ZFHX3: variants seen among roughly 807,000 people sequenced by gnomAD.
The protein encoded by ZFHX3 is zinc finger homeobox protein 3.
In ZFHX3, 42 loss-of-function variants were observed where a neutral mutation model predicts 279.1. That is an observed-to-expected ratio of 0.15 (90% confidence interval 0.12 to 0.19). The LOEUF (loss-of-function observed/expected upper bound fraction) is 0.19, where lower values mean the gene tolerates loss of function less well. Ranked by LOEUF, ZFHX3 falls within the 10% of genes least tolerant of loss-of-function variation. The pLI, the probability that ZFHX3 is intolerant of heterozygous loss-of-function variation, is 1.00. For synonymous variants in ZFHX3, 2,293 were observed against 1,957.8 expected (o/e 1.17, Z -4.52); for missense variants, 4,981 against 4,754.0 (o/e 1.05, Z -1.40).
At chr16:72,803,319 G>A (rs1263318376) in intron 7 of ZFHX3, among the ~76,000 whole-genome samples, 2 of 152,196 alleles carry the variant, frequency 1.3e-5, no homozygotes, top group Non-Finnish European at 2.9e-5. Flanking sequence ...GCGACAGAGT[G>A]AGACTCTGTC....
intron 2 of ZFHX3, among the ~76,000 whole-genome samples, chr16:73,482,661 T>C (rs1242121505): frequency 6.6e-6 from 1 of 152,172 alleles, no homozygotes; most frequent in South Asian, 2.1e-4. Context: ...TTTGTACAAA[T>C]GGAGAAAATG....
At chr16:73,809,333 A>G (rs1228810297) in intron 1 of ZFHX3, 7 of 152,158 alleles carry the variant, frequency 4.6e-5, no homozygotes, top group Non-Finnish European at 1.0e-4. Flanking sequence ...GGCAATGAAA[A>G]TGCACCTGAC....
intron 3 of ZFHX3, among the ~76,000 whole-genome samples, chr16:73,356,635 T>C (rs936005185): frequency 7.9e-5 from 12 of 152,004 alleles, no homozygotes; most frequent in Admixed American, 1.3e-4. Context: ...TGCTAACAAG[T>C]TTAATTAACA....
intron 4 of ZFHX3, among the ~76,000 whole-genome samples, chr16:73,257,761 T>G (rs1424739110): frequency 6.6e-6 from 1 of 152,200 alleles, no homozygotes; most frequent in African/African-American, 2.4e-5. Flanking sequence ...TAGTTATTAA[T>G]CCTATAATAA....
intron 1 of ZFHX3, among the ~76,000 whole-genome samples, chr16:73,722,881 T>C (rs1354066320): frequency 6.6e-6 from 1 of 152,178 alleles, no homozygotes; most frequent in African/African-American, 2.4e-5. Flanking sequence ...TCATTTCCCA[T>C]CTTTTTCCTA....
chr16:73,778,239 A>T (rs1315367211), intron 1 of ZFHX3, among the ~76,000 whole-genome samples: 2 of 73,656 alleles, frequency 2.7e-5, no homozygotes, highest in Non-Finnish European at 6.7e-5. Context: ...GGAGTGTTAA[A>T]AAAAAAAAAA....
At chr16:73,137,058 C>A (rs1383757233) in intron 6 of ZFHX3, among the ~76,000 whole-genome samples, 1 of 152,036 alleles carries the variant, frequency 6.6e-6, no homozygotes, top group Admixed American at 6.6e-5. Flanking sequence ...CATTATGGAA[C>A]TGTCTTGAAA....
chr16:73,040,938 C>G (rs1031603170), intron 1 of ZFHX3, among the ~76,000 whole-genome samples: 1 of 152,224 alleles, frequency 6.6e-6, no homozygotes, highest in African/African-American at 2.4e-5. Flanking sequence ...TCACACAGCT[C>G]AGGCCTCACC....
At chr16:73,058,961 G>A in exon 1 of ZFHX3, 1 of 171,320 alleles carries the variant, frequency 5.8e-6, no homozygotes, top group Non-Finnish European at 1.2e-5. Flanking sequence ...GGAGGAGGAG[G>A]CGGCGGCGGT....
intron 1 of ZFHX3, among the ~76,000 whole-genome samples, chr16:73,843,558 C>G (rs1252557983): frequency 6.6e-6 from 1 of 152,148 alleles, no homozygotes; most frequent in Admixed American, 6.5e-5. Flanking sequence ...AACACATATT[C>G]CATCAAATAT....
At chr16:73,169,238 G>T (rs191359574) in intron 5 of ZFHX3, among the ~76,000 whole-genome samples, 3 of 152,166 alleles carry the variant, frequency 2.0e-5, no homozygotes, top group African/African-American at 7.2e-5. Context: ...CATGCTAGGT[G>T]GTGGGGATTC....
intron 1 of ZFHX3, among the ~76,000 whole-genome samples, chr16:73,770,643 C>G (rs1014011631): frequency 6.6e-6 from 1 of 152,158 alleles, no homozygotes; most frequent in Non-Finnish European, 1.5e-5. Flanking sequence ...CTATCTGGAA[C>G]AAGATAGTAG....
At chr16:73,035,665 C>T (rs951595630) in intron 1 of ZFHX3, among the ~76,000 whole-genome samples, 2 of 152,212 alleles carry the variant, frequency 1.3e-5, no homozygotes, top group African/African-American at 2.4e-5. Flanking sequence ...GCAGGTGGAT[C>T]ACTTGAGCTC....
At chr16:73,492,542 T>C (rs1213728644) in intron 2 of ZFHX3, among the ~76,000 whole-genome samples, 1 of 152,184 alleles carries the variant, frequency 6.6e-6, no homozygotes, top group Non-Finnish European at 1.5e-5. Context: ...TAGACCTACA[T>C]TTCAAACCCA....
chr16:73,819,487 A>G (rs904576960), intron 1 of ZFHX3, among the ~76,000 whole-genome samples: 1 of 152,130 alleles, frequency 6.6e-6, no homozygotes, highest in Non-Finnish European at 1.5e-5. Context: ...TTCCCACCAG[A>G]AAATCTTCCT....
rs1960931293 is a variant in ZFHX3, at chr16:72,950,451, T to C, written c.3216+18A>G. ...CCTTTCAGAAAGAGCGCCTGAGCCA[T>C]AAGGAGCTGGGCCTTACCTTGTACA... On this transcript the variant is annotated intron_variant, in intron 3 of 9. Transcript: ENST00000268489. 2 of 1,606,534 alleles carry C rather than the reference T, an allele frequency of 1.2e-6. No individual in the cohort carries two copies. The highest frequency in any genetic ancestry group is 2.2e-5 in the South Asian group (2 of 90,820).
intron 7 of ZFHX3, 65 bp downstream of exon 7, chr16:72,811,512 C>T (rs2036446111): frequency 7.1e-7 from 1 of 1,414,498 alleles, no homozygotes; most frequent in Non-Finnish European, 9.5e-7. Flanking sequence ...AGTATCTTGC[C>T]CATGTTACTG....
chr16:73,888,121 T>C (rs998027665), intron 1 of ZFHX3, among the ~76,000 whole-genome samples: 2 of 152,150 alleles, frequency 1.3e-5, no homozygotes, highest in African/African-American at 2.4e-5. Context: ...CTCAAATGTC[T>C]CTAGGAGCAT....
chr16:73,527,563 G>C (rs1023450462), intron 2 of ZFHX3, among the ~76,000 whole-genome samples: 3 of 152,252 alleles, frequency 2.0e-5, no homozygotes, highest in Admixed American at 6.5e-5. Context: ...AGGGACCTAG[G>C]GGCTCACTTC....
Sources: gnomAD v4.1 joint callset for allele counts (sites outside exome capture counted in the v4.1 genomes callset) on GRCh38, gnomAD v4.1.1 for gene constraint, MANE v1.5 for transcripts, NCBI Gene and HGNC (gene_info 2026-07-23, HGNC 2026-07-21) for gene names.